CMBL: variants seen among roughly 807,000 people sequenced by gnomAD.
The protein encoded by CMBL is carboxymethylenebutenolidase homolog.
In CMBL, 17 loss-of-function variants were observed where a neutral mutation model predicts 28.7. The ratio of observed to expected loss-of-function variants is 0.59; its 90% CI spans 0.41 to 0.89. The LOEUF (loss-of-function observed/expected upper bound fraction) is 0.89, where lower values mean the gene tolerates loss of function less well. Ranked by LOEUF, CMBL falls within the 40% of genes least tolerant of loss-of-function variation. The pLI, the probability that CMBL is intolerant of heterozygous loss-of-function variation, is 0.00. For missense variants in CMBL, 310 were observed against 298.5 expected (o/e 1.04, Z -0.28); for synonymous variants, 106 against 101.6 (o/e 1.04, Z -0.26).
At chr5:10,300,761 C>T (rs1377958475) in intron 1 of CMBL, among the ~76,000 whole-genome samples, 1 of 151,644 alleles carries the variant, frequency 6.6e-6, no homozygotes, top group East Asian at 1.9e-4. Context: ...GATCATGCCA[C>T]TACACTCCAG....
At chr5:10,307,178 A>G (rs764790763) in intron 1 of CMBL, 5 of 152,190 alleles carry the variant, frequency 3.3e-5, no homozygotes, top group Non-Finnish European at 7.3e-5. Flanking sequence ...GTGGATGCTG[A>G]TTTAGTTGCA....
chr5:10,298,493 G>A (rs1029332208), intron 1 of CMBL, among the ~76,000 whole-genome samples: 1 of 152,196 alleles, frequency 6.6e-6, no homozygotes, highest in Non-Finnish European at 1.5e-5. Flanking sequence ...GGAAGATGAT[G>A]GCATTGCAGC....
intron 1 of CMBL, among the ~76,000 whole-genome samples, chr5:10,302,658 T>C (rs1017119857): frequency 1.3e-5 from 2 of 151,228 alleles, no homozygotes; most frequent in Non-Finnish European, 2.9e-5. Context: ...CCCTCCTCCA[T>C]TGAAGTTCAG....
At chr5:10,296,827 A>T (rs748923945) in intron 1 of CMBL, among the ~76,000 whole-genome samples, 1 of 152,194 alleles carries the variant, frequency 6.6e-6, no homozygotes, top group African/African-American at 2.4e-5. Context: ...GTCATTGGTG[A>T]CCTCCACAAG....
intron 1 of CMBL, among the ~76,000 whole-genome samples, chr5:10,304,770 TG>T (rs1293839370): frequency 6.6e-6 from 1 of 151,982 alleles, no homozygotes; most frequent in African/African-American, 2.4e-5. Context: ...CTAGACAACA[TG>T]TTTTTTTTTT....
intron 5 of CMBL, among the ~76,000 whole-genome samples, chr5:10,281,350 T>C (rs1746495138): frequency 6.6e-6 from 1 of 152,140 alleles, no homozygotes; most frequent in South Asian, 2.1e-4. Context: ...CCCAAATAGC[T>C]GGGACTACAG....
At chr5:10,293,096 CTTG>C (rs1363650702) in intron 1 of CMBL, among the ~76,000 whole-genome samples, 1 of 152,184 alleles carries the variant, frequency 6.6e-6, no homozygotes, top group Non-Finnish European at 1.5e-5. Flanking sequence ...CATAGCAAAA[CTTG>C]ATACAATCAA....
chr5:10,306,971 T>C (rs1313344144), intron 1 of CMBL, among the ~76,000 whole-genome samples: 1 of 152,100 alleles, frequency 6.6e-6, no homozygotes, highest in Non-Finnish European at 1.5e-5. Flanking sequence ...AAACAACAGG[T>C]GGCATCTTCC....
At chr5:10,305,832 G>A (rs1746992718) in intron 1 of CMBL, among the ~76,000 whole-genome samples, 1 of 152,098 alleles carries the variant, frequency 6.6e-6, no homozygotes, top group Non-Finnish European at 1.5e-5. Flanking sequence ...GCCTCCCAAA[G>A]TGCTAGGATT....
intron 1 of CMBL, among the ~76,000 whole-genome samples, chr5:10,291,039 A>G (rs1166049730): frequency 6.6e-6 from 1 of 152,192 alleles, no homozygotes; most frequent in African/African-American, 2.4e-5. Context: ...GGGACTCTTC[A>G]GGGGGCAGGA....
intron 1 of CMBL, among the ~76,000 whole-genome samples, chr5:10,301,066 G>A (rs1445338740): frequency 1.3e-5 from 2 of 151,756 alleles, no homozygotes; most frequent in East Asian, 3.9e-4. Context: ...ATCACCATTA[G>A]GACAATTGGT....
intron 4 of CMBL, among the ~76,000 whole-genome samples, chr5:10,285,458 C>A: frequency 6.6e-6 from 1 of 152,294 alleles, no homozygotes; most frequent in Middle Eastern, 3.4e-3. Flanking sequence ...TGAGCCACCA[C>A]GCCCAGCCTT....
In CMBL at chr5:10,288,455, C is replaced by T; in HGVS notation, c.290G>A (p.Trp97Ter). ...CTTCTGGGCATTTCTTGTTTTCAGCCACTCAGGGAAGATAGACCAGTCGCC... is the reference window on the plus strand; with the variant it reads ...CTTCTGGGCATTTCTTGTTTTCAGCTACTCAGGGAAGATAGACCAGTCGCC... Reference protein sequence around the residue: ...PSGDWSIFPEWLKTRNAQKID... With the variant: ...PSGDWSIFPE The change falls in exon 3 of 6, where the codon TGG (tryptophan) becomes TAG (stop). Residue 97 changes from tryptophan to a stop codon, truncating the protein, a stop_gained. Coordinates refer to ENST00000296658, the MANE Select transcript of CMBL (RefSeq NM_138809.4). LOFTEE classifies it high-confidence loss of function. 1 of 1,614,040 alleles carries T rather than the reference C, an allele frequency of 6.2e-7. No homozygotes were observed. Among genetic ancestry groups the T allele is most frequent in the Non-Finnish European group, 8.5e-7 (1 of 1,179,946 alleles).
At chr5:10,286,193 A>G in intron 4 of CMBL, 161 bp downstream of exon 4, 1 of 680,896 alleles carries the variant, frequency 1.5e-6, no homozygotes, top group Non-Finnish European at 2.3e-6. Flanking sequence ...TGCATGACAA[A>G]CCTCCACCTC....
At chr5:10,290,414 G>A (rs1746686953) in intron 2 of CMBL, 134 bp downstream of exon 2, 3 of 700,454 alleles carry the variant, frequency 4.3e-6, no homozygotes, top group Non-Finnish European at 7.2e-6. Context: ...CTTCACGGCA[G>A]TGAGATAGGG....
At chr5:10,288,254 A>G (rs1579472278) in intron 3 of CMBL, among the ~76,000 whole-genome samples, 168 bp downstream of exon 3, 1 of 151,952 alleles carries the variant, frequency 6.6e-6, no homozygotes, top group Non-Finnish European at 1.5e-5. Context: ...GCTCCAACAG[A>G]GCAAAAACAA....
chr5:10,296,239 T>C (rs1341905647), intron 1 of CMBL, among the ~76,000 whole-genome samples: 4 of 152,196 alleles, frequency 2.6e-5, no homozygotes, highest in Non-Finnish European at 5.9e-5. Flanking sequence ...TCAGTGTTTG[T>C]AGGGACTTTA....
intron 4 of CMBL, among the ~76,000 whole-genome samples, chr5:10,282,629 A>C (rs528954671): frequency 2.0e-5 from 3 of 152,008 alleles, no homozygotes; most frequent in Non-Finnish European, 2.9e-5. Context: ...CAAAAAATAC[A>C]AACATAAGCC....
At chr5:10,303,466 C>A (rs1402830008) in intron 1 of CMBL, among the ~76,000 whole-genome samples, 1 of 152,118 alleles carries the variant, frequency 6.6e-6, no homozygotes, top group East Asian at 1.9e-4. Context: ...GAAGTAAAAC[C>A]ATCACTCTTC....
Sources: gnomAD v4.1 joint callset for allele counts (sites outside exome capture counted in the v4.1 genomes callset) on GRCh38, gnomAD v4.1.1 for gene constraint, MANE v1.5 for transcripts, NCBI Gene and HGNC (gene_info 2026-07-23, HGNC 2026-07-21) for gene names.